The following CAB39 variants were observed in gnomAD, a reference collection of about 807,000 sequenced individuals.
The protein encoded by CAB39 is calcium-binding protein 39.
Under a neutral mutation model 40.0 loss-of-function variants are expected in CAB39, and 8 were observed. The observed-to-expected ratio is 0.20, with a 90% CI of 0.12 to 0.36. The LOEUF (loss-of-function observed/expected upper bound fraction) is 0.36, where lower values mean the gene tolerates loss of function less well. CAB39 is among the 10% of genes least tolerant of loss of function. The pLI is 1.00. For missense variants in CAB39, 270 were observed against 401.1 expected (o/e 0.67, Z 2.79); for synonymous variants, 156 against 141.6 (o/e 1.10, Z -0.72).
At chr2:230,727,183 G>C (rs1297284609) in intron 1 of CAB39, among the ~76,000 whole-genome samples, 2 of 150,282 alleles carry the variant, frequency 1.3e-5, no homozygotes, top group African/African-American at 4.9e-5. Flanking sequence ...TTAAGAAGTA[G>C]AACACTTGAA....
At chr2:230,725,083 G>C in intron 1 of CAB39, 1 of 1,561,046 alleles carries the variant, frequency 6.4e-7, no homozygotes, top group Non-Finnish European at 8.8e-7. Context: ...CAGGGGAGGA[G>C]TCCCTACTCG....
chr2:230,773,328 G>A (rs1449504270), intron 2 of CAB39, among the ~76,000 whole-genome samples: 2 of 150,984 alleles, frequency 1.3e-5, no homozygotes, highest in Admixed American at 6.6e-5. Context: ...GTGTGTGTGT[G>A]TGTGTGTGTG....
chr2:230,747,543 A>G (rs1311479743), intron 1 of CAB39, among the ~76,000 whole-genome samples: 1 of 152,272 alleles, frequency 6.6e-6, no homozygotes, highest in Non-Finnish European at 1.5e-5. Context: ...AGGAAAAGGT[A>G]GTGTTTATGT....
chr2:230,813,786 G>A (rs1696346119), intron 6 of CAB39, among the ~76,000 whole-genome samples: 1 of 151,908 alleles, frequency 6.6e-6, no homozygotes, highest in African/African-American at 2.4e-5. Flanking sequence ...CTGCAGGCCT[G>A]GCTGGAACTG....
At chr2:230,750,770 T>C (rs549427933) in intron 1 of CAB39, among the ~76,000 whole-genome samples, 1 of 152,232 alleles carries the variant, frequency 6.6e-6, no homozygotes, top group Non-Finnish European at 1.5e-5. Context: ...CCAGTTTATA[T>C]AATAGATATG....
At chr2:230,733,009 A>G (rs889246993) in intron 1 of CAB39, among the ~76,000 whole-genome samples, 1 of 152,218 alleles carries the variant, frequency 6.6e-6, no homozygotes, top group African/African-American at 2.4e-5. Flanking sequence ...AGGACTAACA[A>G]ATATTTATGT....
chr2:230,797,597 C>T (rs547217875), intron 4 of CAB39, among the ~76,000 whole-genome samples: 279 of 151,732 alleles, frequency 1.8e-3, no homozygotes, highest in Non-Finnish European at 3.1e-3. Flanking sequence ...AGCCCTTTAA[C>T]GGAAGTTGTC....
At chr2:230,811,344 G>C (rs1696302436) in intron 6 of CAB39, among the ~76,000 whole-genome samples, 1 of 152,046 alleles carries the variant, frequency 6.6e-6, no homozygotes, top group Non-Finnish European at 1.5e-5. Flanking sequence ...TCCACTCCCA[G>C]TAAGAACATA....
chr2:230,803,726 C>T (rs1331708750), intron 5 of CAB39, among the ~76,000 whole-genome samples: 2 of 152,204 alleles, frequency 1.3e-5, no homozygotes, highest in Non-Finnish European at 2.9e-5. Context: ...AGGAGAACTA[C>T]AAACCACTGC....
chr2:230,816,047 G>C (rs947670551), intron 7 of CAB39, among the ~76,000 whole-genome samples: 1 of 152,230 alleles, frequency 6.6e-6, no homozygotes, highest in African/African-American at 2.4e-5. Flanking sequence ...GCCAAGGTGG[G>C]TGGATGGATG....
intron 5 of CAB39, among the ~76,000 whole-genome samples, chr2:230,808,011 T>C (rs75470534): frequency 2.0e-5 from 3 of 152,308 alleles, no homozygotes; most frequent in South Asian, 2.1e-4. Flanking sequence ...TCATTTGTTA[T>C]TCACCAAGAT....
At chr2:230,715,515 C>A (rs1694332616) in intron 1 of CAB39, among the ~76,000 whole-genome samples, 1 of 152,192 alleles carries the variant, frequency 6.6e-6, no homozygotes, top group Non-Finnish European at 1.5e-5. Context: ...CCATCCCCCA[C>A]AGACGGCGAT....
chr2:230,751,242 CAT>C (rs1354406928), intron 1 of CAB39, among the ~76,000 whole-genome samples: 1 of 152,214 alleles, frequency 6.6e-6, no homozygotes, highest in East Asian at 1.9e-4. Flanking sequence ...AGATCTAACA[CAT>C]ATGTTAGTGT....
At chr2:230,793,708 T>C (rs1260596357) in intron 4 of CAB39, among the ~76,000 whole-genome samples, 1 of 152,248 alleles carries the variant, frequency 6.6e-6, no homozygotes, top group Non-Finnish European at 1.5e-5. Flanking sequence ...ATACGCACGC[T>C]GTAAGGCAGT....
chr2:230,784,749 G>A (rs1191839205), intron 2 of CAB39, among the ~76,000 whole-genome samples: 3 of 152,142 alleles, frequency 2.0e-5, no homozygotes, highest in African/African-American at 4.8e-5. Context: ...AAGAATTAAC[G>A]CGGGAAGAAA....
At chr2:230,772,938 A>T (rs1228727901) in intron 2 of CAB39, among the ~76,000 whole-genome samples, 1 of 151,310 alleles carries the variant, frequency 6.6e-6, no homozygotes, top group East Asian at 1.9e-4. Context: ...ACGTGTGGAT[A>T]AACCAACTGT....
At chr2:230,723,943 A>G (rs1454136083) in intron 1 of CAB39, among the ~76,000 whole-genome samples, 1 of 152,206 alleles carries the variant, frequency 6.6e-6, no homozygotes, top group Admixed American at 6.5e-5. Context: ...CCAATTCAGT[A>G]TGCAAATAGC....
intron 2 of CAB39, among the ~76,000 whole-genome samples, chr2:230,766,479 A>G (rs973775021): frequency 6.6e-6 from 1 of 152,190 alleles, no homozygotes; most frequent in African/African-American, 2.4e-5. Context: ...CAAGCCATTC[A>G]TGAGGGATCC....
chr2:230,717,317 G>T (rs760746419), intron 1 of CAB39, among the ~76,000 whole-genome samples: 3 of 152,164 alleles, frequency 2.0e-5, no homozygotes, highest in Non-Finnish European at 4.4e-5. Flanking sequence ...TTAGTCATCA[G>T]TATCTTTTGG....
Sources: gnomAD v4.1 joint callset for allele counts (sites outside exome capture counted in the v4.1 genomes callset) on GRCh38, gnomAD v4.1.1 for gene constraint, MANE v1.5 for transcripts, NCBI Gene and HGNC (gene_info 2026-07-23, HGNC 2026-07-21) for gene names.